The following TSHZ2 variants were observed in gnomAD, a reference collection of about 807,000 sequenced individuals.
TSHZ2 encodes teashirt homolog 2.
In TSHZ2, 21 loss-of-function variants were observed where a neutral mutation model predicts 74.4. That is an observed-to-expected ratio of 0.28 (90% CI 0.20 to 0.41). The LOEUF (loss-of-function observed/expected upper bound fraction) is 0.41. Among genes scored for constraint, TSHZ2 ranks in the 10% least tolerant of loss-of-function variants. The pLI is 1.00. For missense variants in TSHZ2, 1,244 were observed against 1,293.5 expected (o/e 0.96, Z 0.59); for synonymous variants, 540 against 515.3 (o/e 1.05, Z -0.65).
intron 1 of TSHZ2, among the ~76,000 whole-genome samples, chr20:53,232,299 A>G (rs1989843381): frequency 6.6e-6 from 1 of 152,170 alleles, no homozygotes; most frequent in African/African-American, 2.4e-5. Flanking sequence ...CTGGATCCTC[A>G]TCTAATTCAC....
At position 53,210,222 on chromosome 20, in the gene TSHZ2, A is replaced by G. The variant is rs532023261; in HGVS notation, c.41-43277A>G. Reference sequence around the variant, plus strand: ...GTGTGCCGTTTTAGCCCTGCCATCCACGGATGGCTAGAGCGTTAACCAGCT... The same window carrying G: ...GTGTGCCGTTTTAGCCCTGCCATCCGCGGATGGCTAGAGCGTTAACCAGCT... On this transcript the variant is annotated intron_variant, in intron 1 of 2. Coordinates refer to ENST00000371497, the MANE Select transcript of TSHZ2 (RefSeq NM_173485.6). Among the ~76,000 whole-genome samples the G allele has an allele frequency of 1.7e-3, 258 of 152,268 alleles. 1 individual carries two copies. The highest frequency in any genetic ancestry group is 5.0e-3 in the African/African-American group (208 of 41,558).
chr20:53,230,849 A>C (rs761584928), intron 1 of TSHZ2, among the ~76,000 whole-genome samples: 1 of 152,028 alleles, frequency 6.6e-6, no homozygotes, highest in Non-Finnish European at 1.5e-5. Flanking sequence ...CCGAGATCAC[A>C]CCACTGCACT....
rs533840056 is a variant in TSHZ2, at chr20:53,435,582, T to C, written c.*9-51562T>C. Among the ~76,000 whole-genome samples the C allele has an allele frequency of 3.1e-3, 466 of 152,334 alleles. 3 individuals carry two copies. Among genetic ancestry groups the C allele is most frequent in the Admixed American group, 7.6e-3 (117 of 15,306 alleles). On this transcript the variant is annotated intron_variant, in intron 2 of 2. Transcript: ENST00000371497. ...AGGCTGGAGTGCAGTGGCGCGATCT[T>C]GGCTCACTGCAACCTCTGCCTCCCA... is the stretch of plus-strand genomic sequence containing the variant.
chr20:53,124,015 C>T (rs934372744), intron 1 of TSHZ2, among the ~76,000 whole-genome samples: 2 of 152,174 alleles, frequency 1.3e-5, no homozygotes, highest in Non-Finnish European at 2.9e-5. Context: ...AGCCAAAACA[C>T]CCGAATTTCC....
chr20:53,176,330 TAGCCAGCAGGTG>T (rs1458814233), intron 1 of TSHZ2, among the ~76,000 whole-genome samples: 1 of 152,232 alleles, frequency 6.6e-6, no homozygotes, highest in Non-Finnish European at 1.5e-5. Flanking sequence ...TGAACACCTG[TAGCCAGCAGGTG>T]TCAGAGGGAC....
At chr20:53,013,886 C>T (rs6013600) in intron 1 of TSHZ2, among the ~76,000 whole-genome samples, 9,507 of 152,110 alleles carry the variant, frequency 0.063, 295 homozygotes, top group East Asian at 0.087. Flanking sequence ...TACTGTGTGC[C>T]AGGCAGCGTT....
intron 2 of TSHZ2, among the ~76,000 whole-genome samples, chr20:53,270,212 T>C (rs1374304615): frequency 6.6e-6 from 1 of 152,034 alleles, no homozygotes; most frequent in Non-Finnish European, 1.5e-5. Context: ...TCCCAGCTCC[T>C]GGAGCTACTC....
chr20:53,231,460 A>G (rs960043090), intron 1 of TSHZ2, among the ~76,000 whole-genome samples: 2 of 152,192 alleles, frequency 1.3e-5, no homozygotes, highest in Non-Finnish European at 2.9e-5. Context: ...ACACTGAGAA[A>G]TGGCCCTGGA....
intron 1 of TSHZ2, among the ~76,000 whole-genome samples, chr20:53,060,777 G>C (rs1217391632): frequency 6.6e-6 from 1 of 152,132 alleles, no homozygotes; most frequent in Non-Finnish European, 1.5e-5. Flanking sequence ...CTACACAACA[G>C]TATCCTTTAA....
At position 53,255,956 on chromosome 20, in the gene TSHZ2, G is replaced by T; in HGVS notation, c.2498G>T (p.Ser833Ile). The T allele has an allele frequency of 6.2e-7, 1 of 1,614,124 alleles. No individual in the cohort carries two copies. The highest frequency in any genetic ancestry group is 8.5e-7 in the Non-Finnish European group (1 of 1,179,992). The change falls in exon 2 of 3, where the codon AGT (serine) becomes ATT (isoleucine). Residue 833 changes from serine to isoleucine, a missense_variant. By Grantham distance (142) the Ser-to-Ile change is moderately radical (BLOSUM62 -2). Coordinates refer to ENST00000371497, the MANE Select transcript of TSHZ2 (RefSeq NM_173485.6). This position sits in a 1 kb window ranked among gnomAD's most constrained non-coding sequence, Gnocchi z 4.1. ...MDVRRFEDVS[S>I]EVSTLHKRKG... is the part of the protein sequence containing the mutation. ...GTCAGGCGCTTTGAGGATGTCTCCAGTGAAGTCTCAACTTTGCATAAAAGA... is the reference window on the plus strand; with the variant it reads ...GTCAGGCGCTTTGAGGATGTCTCCATTGAAGTCTCAACTTTGCATAAAAGA...
At chr20:53,244,217 A>C (rs1990145860) in intron 1 of TSHZ2, among the ~76,000 whole-genome samples, 1 of 152,170 alleles carries the variant, frequency 6.6e-6, no homozygotes, top group Non-Finnish European at 1.5e-5. Flanking sequence ...TTGGGAAAAA[A>C]AAAACCTCTC....
At chr20:53,259,636 G>A (rs986652906) in intron 2 of TSHZ2, among the ~76,000 whole-genome samples, 1 of 152,202 alleles carries the variant, frequency 6.6e-6, no homozygotes, top group African/African-American at 2.4e-5. Flanking sequence ...AGTCCAATGA[G>A]CTGCCACTTC....
At chr20:53,015,858 AC>A (rs1194289841) in intron 1 of TSHZ2, among the ~76,000 whole-genome samples, 1 of 152,054 alleles carries the variant, frequency 6.6e-6, no homozygotes, top group Non-Finnish European at 1.5e-5. Context: ...TGTGAAGTAC[AC>A]CTTGCCCAGT....
At chr20:53,285,373 A>C (rs935370751) in intron 2 of TSHZ2, among the ~76,000 whole-genome samples, 1 of 152,192 alleles carries the variant, frequency 6.6e-6, no homozygotes. Context: ...TTGAAAATTC[A>C]GAACTTTATG....
At chr20:53,020,206 GAC>G (rs1983191210) in intron 1 of TSHZ2, among the ~76,000 whole-genome samples, 1 of 152,176 alleles carries the variant, frequency 6.6e-6, no homozygotes, top group Admixed American at 6.5e-5. Flanking sequence ...TTCGGGTGGG[GAC>G]ACAGAGCCCA....
intron 1 of TSHZ2, among the ~76,000 whole-genome samples, chr20:52,987,505 C>G (rs1473861895): frequency 6.6e-6 from 1 of 151,270 alleles, no homozygotes; most frequent in Admixed American, 6.6e-5. Context: ...TTCCCTCTCT[C>G]TTTCTCCCTC....
chr20:53,395,545 C>A (rs910504766), intron 2 of TSHZ2, among the ~76,000 whole-genome samples: 4 of 152,240 alleles, frequency 2.6e-5, no homozygotes, highest in African/African-American at 9.6e-5. Flanking sequence ...CAGAGGACCA[C>A]ACCATTTCCT....
intron 2 of TSHZ2, among the ~76,000 whole-genome samples, chr20:53,457,710 C>G (rs1401998500): frequency 6.7e-6 from 1 of 148,854 alleles, no homozygotes; most frequent in African/African-American, 2.5e-5. Context: ...ATAGATAGCT[C>G]TTATTATTTT....
intron 1 of TSHZ2, among the ~76,000 whole-genome samples, chr20:53,056,407 C>T (rs993808691): frequency 4.6e-5 from 7 of 152,228 alleles, no homozygotes; most frequent in Admixed American, 3.3e-4. Context: ...GAAAACATCG[C>T]AGTCTATTGA....
Sources: gnomAD v4.1 joint callset for allele counts (sites outside exome capture counted in the v4.1 genomes callset) on GRCh38, gnomAD v4.1.1 for gene constraint, Gnocchi (gnomAD v3.1) non-coding constraint, MANE v1.5 for transcripts, NCBI Gene and HGNC (gene_info 2026-07-23, HGNC 2026-07-21) for gene names.